KIF15: variants seen among roughly 807,000 people sequenced by gnomAD.
KIF15 encodes the protein kinesin family member 15.
In KIF15, 140 loss-of-function variants were observed where a neutral mutation model predicts 190.6. The observed-to-expected ratio is 0.73, with a 90% CI of 0.64 to 0.84. The LOEUF (loss-of-function observed/expected upper bound fraction) is 0.84, where lower values mean the gene tolerates loss of function less well. KIF15 is among the 40% of genes least tolerant of loss of function. KIF15 has a pLI of 0.00. For synonymous variants in KIF15, 528 were observed against 551.3 expected (o/e 0.96, Z 0.59); for missense variants, 1,372 against 1,584.4 (o/e 0.87, Z 2.28).
chr3:44,866,104 G>A (rs1190934053), intron 6 of KIF15, among the ~76,000 whole-genome samples: 1 of 141,724 alleles, frequency 7.1e-6, no homozygotes, highest in Non-Finnish European at 1.5e-5. Context: ...AGACAGTCTC[G>A]CTCTGTCACC....
At chr3:44,791,816 C>T (rs760949198) in intron 7 of KIF15, among the ~76,000 whole-genome samples, 2 of 152,280 alleles carry the variant, frequency 1.3e-5, no homozygotes, top group South Asian at 2.1e-4. Flanking sequence ...CTCCTGGGTT[C>T]AAGAGATTCT....
intron 6 of KIF15, among the ~76,000 whole-genome samples, chr3:44,785,441 T>C (rs1373250016): frequency 6.6e-6 from 1 of 152,190 alleles, no homozygotes; most frequent in Non-Finnish European, 1.5e-5. Flanking sequence ...GTGGTATGGC[T>C]CCATCACCCT....
Position 44,794,405 on chromosome 3 carries a change from T to C in KIF15, c.828T>C (p.His276=). 6.2e-7 allele frequency: 1 copy of C among 1,605,326 alleles called. No homozygotes were observed. The highest frequency in any genetic ancestry group is 1.3e-5 in the African/African-American group (1 of 74,734). The change falls in exon 8 of 35, where the codon CAT becomes CAC. Residue 276 remains histidine (H), a synonymous_variant. Coordinates refer to ENST00000326047, the MANE Select transcript of KIF15 (RefSeq NM_020242.3). ...GATCTGAAAGGCAAAAAGATACCCA[T>C]GCAGAAGGGATGAGATTGAAGGTAA... ...LAGSERQKDT[H]AEGMRLKEAG...
chr3:44,829,603 C>T (rs7340665), intron 24 of KIF15, among the ~76,000 whole-genome samples: 367 of 26,280 alleles, frequency 0.014, 10 homozygotes, highest in African/African-American at 0.053. Flanking sequence ...ATTATATATG[C>T]ATATATATTA....
At chr3:44,762,334 C>T (rs1347362399) in intron 1 of KIF15, among the ~76,000 whole-genome samples, 2 of 152,204 alleles carry the variant, frequency 1.3e-5, no homozygotes, top group Admixed American at 6.5e-5. Flanking sequence ...ATTTCTTTCT[C>T]CTCTTTCCTT....
chr3:44,812,260 C>T lies in KIF15; in HGVS notation c.2248C>T (p.Leu750=). 2 of 1,613,986 alleles carry T rather than the reference C, an allele frequency of 1.2e-6. No individual in the cohort carries two copies. Among genetic ancestry groups the T allele is most frequent in the Non-Finnish European group, 1.7e-6 (2 of 1,179,926 alleles). The change falls in exon 18 of 35, where the codon CTG becomes TTG. Residue 750 remains leucine, a synonymous_variant. Transcript: ENST00000326047. ...NLKLQQHVDK[L]EHHSTQMQEL... Reference sequence around the variant, plus strand: ...AAAGCTTCAGCAGCATGTTGACAAACTGGAACATCATTCTACCCAAATGCA... The same window carrying T: ...AAAGCTTCAGCAGCATGTTGACAAATTGGAACATCATTCTACCCAAATGCA...
chr3:44,841,391 A>ATT (rs895947332), intron 29 of KIF15, among the ~76,000 whole-genome samples, 153 bp downstream of exon 29: 5 of 142,382 alleles, frequency 3.5e-5, no homozygotes, highest in Non-Finnish European at 7.7e-5. Flanking sequence ...AGTAAATTTA[A>ATT]TTTTTTTTTT....
intron 3 of KIF15, among the ~76,000 whole-genome samples, chr3:44,777,179 G>A (rs952567200): frequency 4.0e-5 from 6 of 151,384 alleles, no homozygotes; most frequent in African/African-American, 1.5e-4. Flanking sequence ...TAAATTTTTT[G>A]TAGAGATGGA....
chr3:44,827,216 T>C, intron 22 of KIF15: 1 of 446,526 alleles, frequency 2.2e-6, no homozygotes, highest in South Asian at 2.4e-5. Flanking sequence ...TACTATATGA[T>C]ATATGTTATA....
chr3:44,834,980 TTA>T (rs200185849), intron 26 of KIF15, among the ~76,000 whole-genome samples: 2,796 of 148,936 alleles, frequency 0.019, 73 homozygotes, highest in African/African-American at 0.063. Context: ...TTATATAATA[TTA>T]TGTTATAATT....
At chr3:44,768,231 G>A (rs1166241328) in intron 1 of KIF15, among the ~76,000 whole-genome samples, 1 of 151,414 alleles carries the variant, frequency 6.6e-6, no homozygotes. Context: ...CCAAGATCGT[G>A]GCACTGCACT....
Position 44,838,366 on chromosome 3 carries a change from C to G in KIF15, c.3263C>G (p.Ser1088Cys). ...AAAAAACACTCGGGGCTGCTGCAGT[C>G]TGCCCAGGAAGAACTGACCAAGAAG... ...ASKKHSGLLQ[S>C]AQEELTKKEA... Residue 1088 changes from serine to cysteine, a missense_variant, in exon 27 of 35, where the codon TCT (serine) becomes TGT (cysteine). Ser to Cys is a moderately radical substitution (Grantham distance 112). Transcript: ENST00000326047. The G allele has an allele frequency of 6.2e-7, 1 of 1,614,096 alleles. No homozygotes were observed. The highest frequency in any genetic ancestry group is 8.5e-7 in the Non-Finnish European group (1 of 1,179,982).
intron 13 of KIF15, 22 bp from the exon 14 acceptor site, chr3:44,802,792 G>C: frequency 6.5e-7 from 1 of 1,530,216 alleles, no homozygotes; most frequent in Non-Finnish European, 8.7e-7. Flanking sequence ...TATATAATGC[G>C]TGTAATTCTT....
chr3:44,862,066 G>C (rs549442571), intron 6 of KIF15: 1 of 1,316,834 alleles, frequency 7.6e-7, no homozygotes, highest in East Asian at 2.9e-5. Flanking sequence ...GTGCGCCGGC[G>C]CGTTCGGGGC....
chr3:44,811,973 A>G (rs758726115), intron 17 of KIF15, among the ~76,000 whole-genome samples: 6 of 152,204 alleles, frequency 3.9e-5, no homozygotes, highest in Non-Finnish European at 7.3e-5. Flanking sequence ...AATGGACCAC[A>G]AGTGTAAATC....
At chr3:44,842,762 G>A (rs931588279) in intron 29 of KIF15, among the ~76,000 whole-genome samples, 33 of 152,204 alleles carry the variant, frequency 2.2e-4, no homozygotes, top group African/African-American at 7.7e-4. Flanking sequence ...TTTGAGGGAT[G>A]AGCTGTGACG....
Position 44,858,299 on chromosome 3 carries a change from C to T in KIF15, c.*59+5505C>T, listed in dbSNP as rs368087178. ...CCTGAACTAACCTGTAAGACTTGTC[C>T]GGTTTTTGAATAGGTAAAATGGGAG... On this transcript the variant is annotated intron_variant and NMD_transcript_variant, in intron 6 of 6. Transcript: ENST00000422209. 1.3e-4 allele frequency among the ~76,000 whole-genome samples: 20 copies of T among 152,156 alleles called. No homozygotes were observed. In the East Asian group the frequency reaches 2.9e-3, roughly 22 times the overall value.
At chr3:44,859,228 G>C (rs1369813387) in intron 6 of KIF15, among the ~76,000 whole-genome samples, 2 of 152,234 alleles carry the variant, frequency 1.3e-5, no homozygotes, top group Non-Finnish European at 2.9e-5. Context: ...TGGAGATGTG[G>C]CTGGGGTTTC....
rs1699123581 is a variant in KIF15, at chr3:44,853,251, T to A, written c.*516T>A. ...CTGTAAATAAAGCCATTTTTTAAGATAATAATTAAAGTGACTTACATTGTT... is the reference window on the plus strand; with the variant it reads ...CTGTAAATAAAGCCATTTTTTAAGAAAATAATTAAAGTGACTTACATTGTT... On this transcript the variant is annotated 3_prime_UTR_variant, in exon 35 of 35. Transcript: ENST00000326047. The A allele has an allele frequency of 6.6e-6, 1 of 152,268 alleles. No homozygotes were observed. Among genetic ancestry groups the A allele is most frequent in the Non-Finnish European group, 1.5e-5 (1 of 68,058 alleles). The allele number at this position is 152,268 out of a possible 1,614,324, so 9.4% of individuals were successfully genotyped here. A position where few individuals can be genotyped will look rare whatever the true frequency, so the allele number is the denominator to read the frequency against.
Sources: allele counts gnomAD v4.1 joint callset (sites outside exome capture counted in the v4.1 genomes callset), GRCh38; gene constraint gnomAD v4.1.1; transcripts MANE v1.5; gene names NCBI Gene and HGNC (gene_info 2026-07-23, HGNC 2026-07-21).